The following WWOX variants were observed in gnomAD, a reference collection of about 807,000 sequenced individuals.
The protein encoded by WWOX is WW domain containing oxidoreductase, also known as WW domain-containing oxidoreductase.
WWOX carries 69 observed loss-of-function variants against 46.2 expected under a neutral mutation model. The ratio of observed to expected loss-of-function variants is 1.49; its 90% CI spans 1.23 to 1.82. WWOX has a LOEUF of 1.82. WWOX is among the 40% of genes most tolerant of loss of function. The probability of loss-of-function intolerance (pLI) is 0.00; values close to 1 mark genes in which losing one functional copy is unlikely to be tolerated. For synonymous variants in WWOX, 359 were observed against 202.6 expected, an observed-to-expected ratio of 1.77 and a Z score of -6.56; for missense variants, 919 against 542.6, an observed-to-expected ratio of 1.69 and a Z score of -6.89.
chr16:78,859,324 C>A (rs2052662305), intron 8 of WWOX, among the ~76,000 whole-genome samples: 2 of 151,862 alleles, frequency 1.3e-5, no homozygotes, highest in African/African-American at 4.8e-5. Context: ...TTCCCCTTCT[C>A]CCTACTCCCT....
At chr16:79,031,754 C>CTG (rs2047759415) in intron 8 of WWOX, among the ~76,000 whole-genome samples, 1 of 140,460 alleles carries the variant, frequency 7.1e-6, no homozygotes, top group African/African-American at 2.6e-5. Context: ...CTCTTTCTTT[C>CTG]TATATATATA....
intron 8 of WWOX, among the ~76,000 whole-genome samples, chr16:79,174,298 C>A (rs1006910987): frequency 1.3e-5 from 2 of 152,160 alleles, no homozygotes; most frequent in African/African-American, 4.8e-5. Context: ...TTATCTTTTC[C>A]CCCAAATACA....
chr16:78,546,766 A>G (rs1042554788), intron 8 of WWOX, among the ~76,000 whole-genome samples: 3 of 152,122 alleles, frequency 2.0e-5, no homozygotes, highest in Non-Finnish European at 4.4e-5. Flanking sequence ...ATCTAAAGAG[A>G]TAAGTTACTG....
intron 5 of WWOX, among the ~76,000 whole-genome samples, chr16:78,274,088 G>T (rs2079534432): frequency 6.6e-6 from 1 of 152,104 alleles, no homozygotes; most frequent in South Asian, 2.1e-4. Flanking sequence ...AACCTCAATA[G>T]ATTCTCCCAG....
rs1426330552 is a variant in WWOX at position 78,486,115 on chromosome 16, G to A, written c.1056+53363G>A. On this transcript the variant is annotated intron_variant, in intron 8 of 8. Transcript: ENST00000566780. ...TGAGGGGGTGTGTGGTGGTATGCCG[G>A]TAAGTGTTGAACAACCTGCTCTGTT... Among the ~76,000 whole-genome samples the A allele has an allele frequency of 3.3e-5, 5 of 152,238 alleles. No homozygotes were observed. The South Asian group carries it at 1.0e-3, about 32-fold the overall frequency.
In WWOX at chr16:78,726,033, C is replaced by G. The variant is rs148222169; in HGVS notation, c.1056+293281C>G. Among the ~76,000 whole-genome samples, 500 of 145,468 alleles carry G rather than the reference C, an allele frequency of 3.4e-3. 2 individuals are homozygous for G. The highest frequency in any genetic ancestry group is 0.012 in the African/African-American group (482 of 39,534). ...TCTTTGTTCTCCTTCTAGTTCTCCT[C>G]CTTTCTTCTTTCTTACTTTTACTCC... On this transcript the variant is annotated intron_variant, in intron 8 of 8. Coordinates refer to ENST00000566780, the MANE Select transcript of WWOX (RefSeq NM_016373.4).
chr16:78,199,407 C>G (rs2036161314), intron 5 of WWOX, among the ~76,000 whole-genome samples: 1 of 152,132 alleles, frequency 6.6e-6, no homozygotes, highest in East Asian at 1.9e-4. Context: ...ATATGAGAAG[C>G]AATAAATATG....
intron 8 of WWOX, among the ~76,000 whole-genome samples, chr16:78,500,425 T>TTC (rs1567608549): frequency 2.6e-5 from 4 of 151,458 alleles, no homozygotes; most frequent in Non-Finnish European, 5.9e-5. Context: ...TCCTTCCTTT[T>TTC]TCCCTTCATC....
chr16:78,653,212 G>C (rs72794715), intron 8 of WWOX, among the ~76,000 whole-genome samples: 7,386 of 151,924 alleles, frequency 0.049, 257 homozygotes, highest in Non-Finnish European at 0.074. Flanking sequence ...AAACATACTA[G>C]TAATTTCCTA....
intron 8 of WWOX, among the ~76,000 whole-genome samples, chr16:78,816,162 C>G (rs1018697231): frequency 6.6e-6 from 1 of 152,156 alleles, no homozygotes; most frequent in Non-Finnish European, 1.5e-5. Flanking sequence ...AACTAAATCC[C>G]TAACTGGACC....
At chr16:78,806,349 C>T (rs1427185833) in intron 8 of WWOX, among the ~76,000 whole-genome samples, 1 of 152,152 alleles carries the variant, frequency 6.6e-6, no homozygotes, top group Non-Finnish European at 1.5e-5. Context: ...ACAATTGTTG[C>T]ATAACAAACC....
At chr16:79,037,659 T>C (rs1567506001) in intron 8 of WWOX, among the ~76,000 whole-genome samples, 1 of 152,088 alleles carries the variant, frequency 6.6e-6, no homozygotes, top group African/African-American at 2.4e-5. Context: ...CCTGCAACCT[T>C]AGTTGTTAGT....
chr16:78,268,989 A>G (rs942589516), intron 5 of WWOX: 1 of 152,154 alleles, frequency 6.6e-6, no homozygotes, highest in Admixed American at 6.6e-5. Flanking sequence ...AGATGTACAC[A>G]TATATAAGAT....
At chr16:79,043,198 A>C (rs994014203) in intron 8 of WWOX, among the ~76,000 whole-genome samples, 10 of 151,550 alleles carry the variant, frequency 6.6e-5, no homozygotes, top group African/African-American at 2.4e-4. Flanking sequence ...GTGTTTTTTT[A>C]AATGAAAAAA....
rs140284942 is a variant in WWOX at position 78,309,335 on chromosome 16, A to G, written c.517-77525A>G. The stretch of plus-strand genomic sequence containing the variant: ...GCTTTGCTTCCACTCTGCCCTGATT[A>G]TAAGTTTCTTGAGGCCTCCCCAGCC... On this transcript the variant is annotated intron_variant, in intron 5 of 8. Transcript: ENST00000566780. Among the ~76,000 whole-genome samples, 769 of 152,274 alleles carry G rather than the reference A, an allele frequency of 5.1e-3. 13 individuals are homozygous for G. The highest frequency in any genetic ancestry group is 0.018 in the African/African-American group (738 of 41,570).
chr16:79,184,202 A>T (rs2050968906), intron 8 of WWOX, among the ~76,000 whole-genome samples: 1 of 152,214 alleles, frequency 6.6e-6, no homozygotes, highest in Admixed American at 6.5e-5. Context: ...AAATTCATTG[A>T]GTCAGATGCA....
chr16:78,738,137 G>C lies in WWOX; in HGVS notation c.1056+305385G>C, dbSNP rs988922450. ...CTGAAAAACAGTTCAATTAGGTAAAGTGACATTTTTTAAGCCCTTGTGTGT... is the reference window on the plus strand; with the variant it reads ...CTGAAAAACAGTTCAATTAGGTAAACTGACATTTTTTAAGCCCTTGTGTGT... On this transcript the variant is annotated intron_variant, in intron 8 of 8. Transcript: ENST00000566780. Among the ~76,000 whole-genome samples the C allele has an allele frequency of 3.3e-5, 5 of 152,134 alleles. No homozygotes were observed. In the South Asian group the frequency reaches 1.0e-3, roughly 32 times the overall value.
chr16:78,778,659 G>A (rs1375436431), intron 8 of WWOX, among the ~76,000 whole-genome samples: 1 of 152,154 alleles, frequency 6.6e-6, no homozygotes, highest in Non-Finnish European at 1.5e-5. Context: ...TATGTGAAAT[G>A]GGAACATCAC....
At chr16:78,761,145 G>C (rs995379051) in intron 8 of WWOX, among the ~76,000 whole-genome samples, 3 of 152,122 alleles carry the variant, frequency 2.0e-5, no homozygotes, top group Non-Finnish European at 4.4e-5. Context: ...GACTGAGCGG[G>C]GGCTGTTTCT....
Sources: allele counts gnomAD v4.1 joint callset (sites outside exome capture counted in the v4.1 genomes callset), GRCh38; gene constraint gnomAD v4.1.1; transcripts MANE v1.5; gene names NCBI Gene and HGNC (gene_info 2026-07-23, HGNC 2026-07-21).